CCDC85A: variants seen among roughly 807,000 people sequenced by gnomAD.
CCDC85A encodes the protein coiled-coil domain-containing protein 85A.
CCDC85A carries 38 observed loss-of-function variants against 50.2 expected under a neutral mutation model. The ratio of observed to expected loss-of-function variants is 0.76; its 90% CI spans 0.58 to 0.99. CCDC85A has a LOEUF of 0.99. Among genes scored for constraint, CCDC85A ranks in the 50% least tolerant of loss-of-function variants. The pLI, the probability that CCDC85A is intolerant of heterozygous loss-of-function variation, is 0.00. For missense variants in CCDC85A, 820 were observed against 742.0 expected, an observed-to-expected ratio of 1.11 and a Z score of -1.22; for synonymous variants, 366 against 301.4, an observed-to-expected ratio of 1.21 and a Z score of -2.22.
chr2:56,249,668 T>G (rs1185421629), intron 2 of CCDC85A, among the ~76,000 whole-genome samples: 1 of 152,324 alleles, frequency 6.6e-6, no homozygotes, highest in East Asian at 1.9e-4. Flanking sequence ...GAAGTAGCTT[T>G]TATCAATTTT....
At chr2:56,311,526 G>T (rs1672691770) in intron 2 of CCDC85A, among the ~76,000 whole-genome samples, 1 of 151,094 alleles carries the variant, frequency 6.6e-6, no homozygotes, top group Non-Finnish European at 1.5e-5. Flanking sequence ...GTGCAGGTTT[G>T]TTACATATGT....
intron 2 of CCDC85A, among the ~76,000 whole-genome samples, chr2:56,245,100 A>T (rs145461517): frequency 1.9e-3 from 292 of 152,256 alleles, no homozygotes; most frequent in African/African-American, 6.7e-3. Context: ...CATGTGCCCC[A>T]CAAGTCCACT....
intron 2 of CCDC85A, among the ~76,000 whole-genome samples, chr2:56,318,617 G>A (rs1313344096): frequency 6.6e-6 from 1 of 151,996 alleles, no homozygotes; most frequent in Non-Finnish European, 1.5e-5. Flanking sequence ...GTTTATTGAT[G>A]AAATTTTTTG....
intron 2 of CCDC85A, among the ~76,000 whole-genome samples, chr2:56,274,836 A>G (rs1416327152): frequency 1.3e-5 from 2 of 152,148 alleles, no homozygotes; most frequent in Non-Finnish European, 2.9e-5. Flanking sequence ...GAAGTCCAAG[A>G]TCAAGACTGC....
In CCDC85A at chr2:56,292,936, G is replaced by A. The variant is rs989910398; in HGVS notation, c.1241-49943G>A. 3.2e-4 allele frequency among the ~76,000 whole-genome samples: 48 copies of A among 152,290 alleles called. 1 individual carries two copies. Among genetic ancestry groups the A allele is most frequent in the Admixed American group, 3.1e-3 (47 of 15,290 alleles). On this transcript the variant is annotated intron_variant, in intron 2 of 5. Coordinates refer to ENST00000407595, the MANE Select transcript of CCDC85A (RefSeq NM_001080433.2). ...AGCAGATAATCTTCTAAACCCAATTGATAGTCAAGTTGGCAGAAATCAAGG... is the reference window on the plus strand; with the variant it reads ...AGCAGATAATCTTCTAAACCCAATTAATAGTCAAGTTGGCAGAAATCAAGG...
At chr2:56,359,959 A>G (rs1675439936) in intron 3 of CCDC85A, among the ~76,000 whole-genome samples, 1 of 152,208 alleles carries the variant, frequency 6.6e-6, no homozygotes, top group African/African-American at 2.4e-5. Context: ...CATCTTCAGC[A>G]TGTTTTCTGT....
At chr2:56,280,077 C>A (rs1002768613) in intron 2 of CCDC85A, among the ~76,000 whole-genome samples, 12 of 152,306 alleles carry the variant, frequency 7.9e-5, no homozygotes, top group African/African-American at 2.6e-4. Flanking sequence ...CTCACCCCCC[C>A]ACCTCTAAAC....
At chr2:56,341,742 G>A (rs13418483) in intron 2 of CCDC85A, among the ~76,000 whole-genome samples, 3,026 of 152,106 alleles carry the variant, frequency 0.02, 94 homozygotes, top group African/African-American at 0.068. Flanking sequence ...AGCTTGTGAA[G>A]AAATGAAAAA....
At chr2:56,349,171 GA>G (rs1448481931) in intron 3 of CCDC85A, among the ~76,000 whole-genome samples, 3 of 151,894 alleles carry the variant, frequency 2.0e-5, no homozygotes, top group African/African-American at 7.3e-5. Context: ...TTACTGATTG[GA>G]AAAATTAGTT....
intron 2 of CCDC85A, among the ~76,000 whole-genome samples, chr2:56,325,740 T>G (rs1673434453): frequency 6.6e-6 from 1 of 152,116 alleles, no homozygotes; most frequent in Non-Finnish European, 1.5e-5. Context: ...AGAGTTGGGT[T>G]GTAAGAAGCT....
intron 2 of CCDC85A, among the ~76,000 whole-genome samples, chr2:56,245,939 C>T (rs1223968368): frequency 6.6e-6 from 1 of 152,166 alleles, no homozygotes; most frequent in African/African-American, 2.4e-5. Context: ...GTATAAATTA[C>T]CGAGTCTCAG....
intron 2 of CCDC85A, among the ~76,000 whole-genome samples, chr2:56,238,653 G>C (rs766341971): frequency 6.6e-6 from 1 of 152,090 alleles, no homozygotes; most frequent in Non-Finnish European, 1.5e-5. Flanking sequence ...TAATTGGAGT[G>C]ACTAAATTGT....
At chr2:56,201,732 T>C (rs1468053597) in intron 2 of CCDC85A, among the ~76,000 whole-genome samples, 1 of 152,214 alleles carries the variant, frequency 6.6e-6, no homozygotes, top group Admixed American at 6.5e-5. Context: ...GCATATAGTT[T>C]TTAATTCAGT....
chr2:56,328,460 C>T (rs550849701), intron 2 of CCDC85A, among the ~76,000 whole-genome samples: 1 of 152,122 alleles, frequency 6.6e-6, no homozygotes, highest in South Asian at 2.1e-4. Flanking sequence ...AGACCCTTCT[C>T]CATCCTCATA....
chr2:56,335,076 A>G (rs951315007), intron 2 of CCDC85A, among the ~76,000 whole-genome samples: 2 of 152,190 alleles, frequency 1.3e-5, no homozygotes, highest in Admixed American at 6.5e-5. Flanking sequence ...ATCCAGGCAA[A>G]TCTGAAAGTG....
chr2:56,192,962 C>T lies in CCDC85A; in HGVS notation c.762C>T (p.Ala254=). ...GSPEHSKHRS[A]SPEHPQKPRA... is the part of the protein sequence containing the mutation. ...CGGAGCACTCCAAGCACAGGAGCGC[C>T]AGCCCCGAGCATCCACAGAAACCCA... The change falls in exon 2 of 6, where the codon GCC becomes GCT. Residue 254 remains alanine, a synonymous_variant. Transcript: ENST00000407595. The surrounding 1 kb of genome is among the most constrained non-coding windows in gnomAD (Gnocchi z 4.7). The T allele has an allele frequency of 6.2e-7, 1 of 1,612,724 alleles. No individual in the cohort carries two copies. Among genetic ancestry groups the T allele is most frequent in the South Asian group, 1.1e-5 (1 of 91,012 alleles).
chr2:56,281,909 G>T (rs1671223542), intron 2 of CCDC85A, among the ~76,000 whole-genome samples: 1 of 152,112 alleles, frequency 6.6e-6, no homozygotes, highest in South Asian at 2.1e-4. Flanking sequence ...GTGGTGTTTA[G>T]ATGAAGAAGA....
At chr2:56,285,209 C>A (rs926052975) in intron 2 of CCDC85A, among the ~76,000 whole-genome samples, 1 of 151,464 alleles carries the variant, frequency 6.6e-6, no homozygotes, top group African/African-American at 2.4e-5. Flanking sequence ...TCAAGCAATT[C>A]ACCTGCCTCG....
intron 3 of CCDC85A, among the ~76,000 whole-genome samples, chr2:56,359,662 G>A (rs1403758232): frequency 1.3e-5 from 2 of 152,190 alleles, no homozygotes; most frequent in East Asian, 3.8e-4. Flanking sequence ...TCTGGCTAAG[G>A]AGGAGTCAGA....
Sources: allele counts gnomAD v4.1 joint callset (sites outside exome capture counted in the v4.1 genomes callset), GRCh38; gene constraint gnomAD v4.1.1; non-coding constraint Gnocchi (gnomAD v3.1); transcripts MANE v1.5; gene names NCBI Gene and HGNC (gene_info 2026-07-23, HGNC 2026-07-21).